Variants in NLGN1 observed in about 807,000 individuals in gnomAD.
The protein encoded by NLGN1 is neuroligin-1.
A neutral mutation model predicts 65.5 loss-of-function variants in NLGN1; 12 were observed. That is an observed-to-expected ratio of 0.18 (90% confidence interval 0.12 to 0.30). The LOEUF is 0.30. NLGN1 is among the 10% of genes least tolerant of loss of function. The pLI, the probability that NLGN1 is intolerant of heterozygous loss-of-function variation, is 1.00. For synonymous variants in NLGN1, 350 were observed against 359.5 expected, an observed-to-expected ratio of 0.97 and a Z score of 0.30; for missense variants, 750 against 1,007.1, an observed-to-expected ratio of 0.74 and a Z score of 3.46.
intron 2 of NLGN1, among the ~76,000 whole-genome samples, chr3:173,464,866 A>AT (rs374045991): frequency 9.7e-5 from 12 of 123,750 alleles, no homozygotes; most frequent in Admixed American, 3.8e-4. Context: ...CTCTAGAACT[A>AT]TTTTTTTTTG....
At chr3:174,132,609 G>A (rs1402696196) in intron 4 of NLGN1, among the ~76,000 whole-genome samples, 1 of 152,136 alleles carries the variant, frequency 6.6e-6, no homozygotes, top group Admixed American at 6.6e-5. Context: ...GCACTTCCCA[G>A]AGTTCAAGGT....
At chr3:174,113,208 T>C (rs1715624614) in intron 4 of NLGN1, among the ~76,000 whole-genome samples, 5 of 151,994 alleles carry the variant, frequency 3.3e-5, no homozygotes, top group Admixed American at 3.3e-4. Context: ...TCTAAGAGCA[T>C]TTGTCAATAG....
intron 4 of NLGN1, among the ~76,000 whole-genome samples, chr3:174,130,172 C>T (rs549272854): frequency 2.0e-5 from 3 of 152,160 alleles, no homozygotes; most frequent in East Asian, 1.9e-4. Context: ...GTCAGGAGTT[C>T]GAGACCAGCC....
At chr3:173,486,148 G>A (rs144547015) in intron 2 of NLGN1, among the ~76,000 whole-genome samples, 20 of 152,098 alleles carry the variant, frequency 1.3e-4, no homozygotes, top group African/African-American at 4.1e-4. Context: ...GGGTTCAAGC[G>A]ACTCTCCTGC....
intron 4 of NLGN1, among the ~76,000 whole-genome samples, chr3:173,878,328 C>T (rs1252556936): frequency 6.6e-6 from 1 of 152,134 alleles, no homozygotes; most frequent in Non-Finnish European, 1.5e-5. Flanking sequence ...GCGTGAGCCA[C>T]TGCGCCAAGC....
chr3:174,186,494 C>T (rs1731425718), intron 4 of NLGN1, among the ~76,000 whole-genome samples: 1 of 151,940 alleles, frequency 6.6e-6, no homozygotes, highest in South Asian at 2.1e-4. Context: ...TCAGACCTAC[C>T]ATGTAGATTA....
chr3:174,023,332 G>A (rs1252909182), intron 4 of NLGN1, among the ~76,000 whole-genome samples: 1 of 152,196 alleles, frequency 6.6e-6, no homozygotes, highest in Non-Finnish European at 1.5e-5. Flanking sequence ...CCTAGGATCT[G>A]CAGGAGCTGG....
At chr3:173,686,804 T>C (rs929375978) in intron 3 of NLGN1, among the ~76,000 whole-genome samples, 4 of 151,864 alleles carry the variant, frequency 2.6e-5, no homozygotes, top group African/African-American at 9.7e-5. Context: ...AATACAAAAA[T>C]TAGCGGGGTG....
At chr3:173,641,633 C>T (rs1335756992) in intron 3 of NLGN1, among the ~76,000 whole-genome samples, 3 of 152,176 alleles carry the variant, frequency 2.0e-5, no homozygotes, top group Admixed American at 1.3e-4. Flanking sequence ...TCACTTTGTA[C>T]TTTGTTGCCT....
chr3:173,971,035 A>G (rs1336520584), intron 4 of NLGN1, among the ~76,000 whole-genome samples: 1 of 152,148 alleles, frequency 6.6e-6, no homozygotes, highest in African/African-American at 2.4e-5. Context: ...TGGAAAGATG[A>G]AACCGTGAGT....
At chr3:173,856,841 T>C (rs1430656042) in intron 4 of NLGN1, among the ~76,000 whole-genome samples, 2 of 152,008 alleles carry the variant, frequency 1.3e-5, no homozygotes, top group East Asian at 3.9e-4. Flanking sequence ...AATTTTATAA[T>C]AGGTTTTATG....
intron 3 of NLGN1, among the ~76,000 whole-genome samples, chr3:173,645,529 G>T (rs549292523): frequency 7.8e-4 from 119 of 152,334 alleles, no homozygotes; most frequent in Non-Finnish European, 1.4e-3. Context: ...CCTCTCCACA[G>T]TGGCCCAGTT....
chr3:173,476,543 A>G (rs1560307602), intron 2 of NLGN1, among the ~76,000 whole-genome samples: 1 of 152,188 alleles, frequency 6.6e-6, no homozygotes, highest in Admixed American at 6.5e-5. Context: ...GAGTCATAGA[A>G]GAATATAGAG....
At chr3:173,401,763 A>G (rs997659156) in intron 1 of NLGN1, among the ~76,000 whole-genome samples, 1 of 152,214 alleles carries the variant, frequency 6.6e-6, no homozygotes, top group African/African-American at 2.4e-5. Context: ...GTGAATCAAT[A>G]CATAAAATTC....
chr3:173,439,406 C>T (rs16826524), intron 2 of NLGN1, among the ~76,000 whole-genome samples: 26,933 of 151,858 alleles, frequency 0.18, 3,252 homozygotes, highest in East Asian at 0.53. Context: ...TGAGTAAATG[C>T]GTTATGCTCC....
At chr3:173,765,804 A>G (rs575137655) in intron 3 of NLGN1, among the ~76,000 whole-genome samples, 1 of 152,260 alleles carries the variant, frequency 6.6e-6, no homozygotes, top group African/African-American at 2.4e-5. Context: ...AAACAGAATG[A>G]CTGCCATTTC....
At chr3:174,210,321 G>A (rs1407643898) in intron 4 of NLGN1, among the ~76,000 whole-genome samples, 1 of 152,202 alleles carries the variant, frequency 6.6e-6, no homozygotes, top group Non-Finnish European at 1.5e-5. Context: ...TACAGGGGAT[G>A]AAGGCTGTTG....
At chr3:174,014,571 G>T (rs1726176638) in intron 4 of NLGN1, among the ~76,000 whole-genome samples, 1 of 152,104 alleles carries the variant, frequency 6.6e-6, no homozygotes, top group Non-Finnish European at 1.5e-5. Flanking sequence ...AGGTTATATT[G>T]CACTCTTTGC....
rs1163896273 is a variant in NLGN1 at position 173,580,741 on chromosome 3, C to G, written c.-320-23538C>G. On this transcript the variant is annotated intron_variant, in intron 2 of 6. Coordinates refer to ENST00000457714, the Ensembl canonical transcript of NLGN1. Reference sequence around the variant, plus strand: ...CATTGACTACCTTACTCTGTGAACTCATTTTACACTTAAACATACTGAAAA... The same window carrying G: ...CATTGACTACCTTACTCTGTGAACTGATTTTACACTTAAACATACTGAAAA... 2.0e-5 allele frequency among the ~76,000 whole-genome samples: 3 copies of G among 151,974 alleles called. No individual in the cohort carries two copies. In the East Asian group the frequency reaches 5.8e-4, roughly 29 times the overall value.
Sources: gnomAD v4.1 joint callset for allele counts (sites outside exome capture counted in the v4.1 genomes callset) on GRCh38, gnomAD v4.1.1 for gene constraint, MANE v1.5 for transcripts, NCBI Gene and HGNC (gene_info 2026-07-23, HGNC 2026-07-21) for gene names.